Variants in OPRM1 observed in about 807,000 individuals in gnomAD.
OPRM1 encodes the protein opioid receptor mu 1.
A neutral mutation model predicts 31.8 loss-of-function variants in OPRM1; 27 were observed. The ratio of observed to expected loss-of-function variants is 0.85; its 90% CI spans 0.63 to 1.17. OPRM1 has a LOEUF of 1.17. OPRM1 is among the 50% of genes most tolerant of loss of function. OPRM1 has a pLI of 0.00. For missense variants in OPRM1, 536 were observed against 511.1 expected (o/e 1.05, Z -0.47); for synonymous variants, 196 against 189.9 (o/e 1.03, Z -0.26).
At chr6:154,034,728 TTATC>T (rs1431134295), upstream of OPRM1, among the ~76,000 whole-genome samples, 4 of 152,244 alleles carry the variant, frequency 2.6e-5, no homozygotes, top group Admixed American at 2.0e-4. Context: ...TGACAACTGT[TTATC>T]TATTAGAAAG....
At chr6:154,102,918 CA>C (rs58694186) in intron 3 of OPRM1, among the ~76,000 whole-genome samples, 15,981 of 80,628 alleles carry the variant, frequency 0.2, 857 homozygotes, top group African/African-American at 0.27. Flanking sequence ...TAACCAGTTG[CA>C]AAAAAAAAAA....
At chr6:154,113,254 G>A (rs559792201) in intron 3 of OPRM1, among the ~76,000 whole-genome samples, 4 of 152,184 alleles carry the variant, frequency 2.6e-5, no homozygotes, top group Non-Finnish European at 5.9e-5. Flanking sequence ...CTCTGATGCT[G>A]GGGAACAGTA....
chr6:154,122,250 C>T lies in OPRM1; in HGVS notation c.*3529C>T, dbSNP rs1797347706. On this transcript the variant is annotated 3_prime_UTR_variant, in exon 4 of 4. Transcript: ENST00000330432. ...ATTATCCTCTTCATAGAAATATCCACCAGCAGAAAATTGGTTTCTCAAGGA... is the reference window on the plus strand; with the variant it reads ...ATTATCCTCTTCATAGAAATATCCATCAGCAGAAAATTGGTTTCTCAAGGA... Among the ~76,000 whole-genome samples, 1 of 152,180 alleles carries T rather than the reference C, an allele frequency of 6.6e-6. No individual in the cohort carries two copies. Among genetic ancestry groups the T allele is most frequent in the South Asian group, 2.1e-4 (1 of 4,836 alleles).
In OPRM1 at chr6:154,032,459, A is replaced by G. The variant is rs554273712; in HGVS notation, c.1-6702A>G. On this transcript the variant is annotated intron_variant, in intron 1 of 5. Coordinates refer to the OPRM1 transcript ENST00000434900. ...TTCTTTTAAAATTGTTTTTAGAGACAGGATCTCTCTCTATCACCCAGGCTG... is the reference window on the plus strand; with the variant it reads ...TTCTTTTAAAATTGTTTTTAGAGACGGGATCTCTCTCTATCACCCAGGCTG... Among the ~76,000 whole-genome samples the G allele has an allele frequency of 6.6e-5, 10 of 152,308 alleles. No individual in the cohort carries two copies. In the East Asian group the frequency reaches 1.7e-3, roughly 26 times the overall value.
chr6:154,101,350 C>G lies in OPRM1; in HGVS notation c.1164+9878C>G, dbSNP rs78870648. ...AAATATGGGCTCATTCAAATTCAAA[C>G]CATCAACTTTTAAAAACGCTCTCCT... is the stretch of plus-strand genomic sequence containing the variant. On this transcript the variant is annotated intron_variant, in intron 3 of 3. Coordinates refer to ENST00000330432, the MANE Select transcript of OPRM1 (RefSeq NM_000914.5). 4.2e-4 allele frequency among the ~76,000 whole-genome samples: 64 copies of G among 152,154 alleles called. No individual in the cohort carries two copies. In the East Asian group the frequency reaches 0.01, roughly 25 times the overall value.
intron 3 of OPRM1, among the ~76,000 whole-genome samples, chr6:154,231,156 C>A (rs1779685717): frequency 6.6e-6 from 1 of 152,188 alleles, no homozygotes. Flanking sequence ...GATTCTCACA[C>A]TACACACAGA....
intron 3 of OPRM1, among the ~76,000 whole-genome samples, chr6:154,154,126 T>C (rs1170691245): frequency 1.3e-5 from 2 of 152,132 alleles, no homozygotes; most frequent in Non-Finnish European, 2.9e-5. Context: ...AGGAACAAAA[T>C]GAAAACTGTG....
At chr6:154,063,521 C>T (rs183684868) in intron 1 of OPRM1, among the ~76,000 whole-genome samples, 26 of 151,932 alleles carry the variant, frequency 1.7e-4, no homozygotes, top group African/African-American at 5.3e-4. Context: ...CCATTTTAAC[C>T]GCTTGTAAGT....
intron 3 of OPRM1, among the ~76,000 whole-genome samples, chr6:154,175,141 C>T (rs1266205779): frequency 3.3e-5 from 5 of 152,156 alleles, no homozygotes; most frequent in African/African-American, 9.7e-5. Context: ...AAAGACACAA[C>T]GTACCAGAAG....
At position 154,210,930 on chromosome 6, in the gene OPRM1, G is replaced by T. The variant is rs574174261; in HGVS notation, c.1165-35763G>T. On this transcript the variant is annotated intron_variant, in intron 3 of 3. Coordinates refer to the OPRM1 transcript ENST00000337049. ...TCTCCACTGACAGTGTGAAAAAACA[G>T]TAGAGGTCATTATTTAAATAATCAA... 1.3e-4 allele frequency among the ~76,000 whole-genome samples: 20 copies of T among 152,286 alleles called. No homozygotes were observed. In the South Asian group the frequency reaches 4.1e-3, roughly 32 times the overall value.
At chr6:154,095,089 C>T (rs1381067565) in intron 3 of OPRM1, among the ~76,000 whole-genome samples, 1 of 152,128 alleles carries the variant, frequency 6.6e-6, no homozygotes, top group South Asian at 2.1e-4. Context: ...GTCAGGAGTT[C>T]GAGACCAGCC....
upstream of OPRM1, among the ~76,000 whole-genome samples, chr6:154,037,876 T>C (rs1779409731): frequency 6.6e-6 from 1 of 152,116 alleles, no homozygotes. Context: ...TATTATACTG[T>C]GTCTTGTCTT....
At chr6:154,075,138 A>G (rs1279688317) in intron 1 of OPRM1, among the ~76,000 whole-genome samples, 1 of 152,246 alleles carries the variant, frequency 6.6e-6, no homozygotes, top group Non-Finnish European at 1.5e-5. Flanking sequence ...AAGAGTTTTC[A>G]TCAACACACT....
chr6:154,039,881 G>C (rs377638490), intron 1 of OPRM1, 47 bp downstream of exon 1: 5 of 1,504,036 alleles, frequency 3.3e-6, no homozygotes, highest in African/African-American at 2.8e-5. Context: ...GCGGCTTAAG[G>C]GGGTACAAAG....
chr6:154,224,657 G>A (rs2128619768), intron 3 of OPRM1, among the ~76,000 whole-genome samples: 2 of 152,232 alleles, frequency 1.3e-5, no homozygotes, highest in South Asian at 4.1e-4. Flanking sequence ...GTTGCAGTGA[G>A]CCAAGATCGT....
Position 154,122,624 on chromosome 6 carries a change from A to G in OPRM1, c.*3903A>G, listed in dbSNP as rs1360431543. Among the ~76,000 whole-genome samples, 1 of 152,244 alleles carries G rather than the reference A, an allele frequency of 6.6e-6. No homozygotes were observed. Among genetic ancestry groups the G allele is most frequent in the East Asian group, 1.9e-4 (1 of 5,202 alleles). On this transcript the variant is annotated 3_prime_UTR_variant, in exon 4 of 4. Transcript: ENST00000330432. The stretch of plus-strand genomic sequence containing the variant: ...TGTTCTTCACTGTCTTCAAAAATAT[A>G]AAAAGTACAAGGAATTGTGTACATT...
At chr6:154,108,948 A>G in intron 3 of OPRM1, 1 of 985,022 alleles carries the variant, frequency 1.0e-6, no homozygotes. Context: ...TGTGAGAGGT[A>G]GCACATAAGA....
At chr6:154,099,659 G>GTATATACATATA (rs1554275129) in intron 3 of OPRM1, among the ~76,000 whole-genome samples, 1 of 143,882 alleles carries the variant, frequency 7.0e-6, no homozygotes, top group Admixed American at 6.9e-5. Context: ...ATACACACAT[G>GTATATACATATA]TATATACATA....
At chr6:154,175,344 G>C (rs1392180884) in intron 3 of OPRM1, among the ~76,000 whole-genome samples, 1 of 147,118 alleles carries the variant, frequency 6.8e-6, no homozygotes, top group Non-Finnish European at 1.5e-5. Flanking sequence ...GAAGGAGGTA[G>C]AGACACAAAA....
Sources: gnomAD v4.1 joint callset for allele counts (sites outside exome capture counted in the v4.1 genomes callset) on GRCh38, gnomAD v4.1.1 for gene constraint, MANE v1.5 for transcripts, NCBI Gene and HGNC (gene_info 2026-07-23, HGNC 2026-07-21) for gene names.